The following MKLN1 variants were observed in gnomAD, a reference collection of about 807,000 sequenced individuals.
MKLN1 encodes muskelin 1, also known as muskelin.
A neutral mutation model predicts 99.0 loss-of-function variants in MKLN1; 18 were observed. The observed-to-expected ratio is 0.18, with a 90% CI of 0.13 to 0.27. MKLN1 has a LOEUF of 0.27. Ranked by LOEUF, MKLN1 falls within the 10% of genes least tolerant of loss-of-function variation. The pLI is 1.00. For missense variants in MKLN1, 621 were observed against 875.9 expected (o/e 0.71, Z 3.67); for synonymous variants, 288 against 293.2 (o/e 0.98, Z 0.18).
chr7:131,356,057 C>G (rs1799868462), intron 1 of MKLN1, among the ~76,000 whole-genome samples: 1 of 149,760 alleles, frequency 6.7e-6, no homozygotes, highest in Non-Finnish European at 1.5e-5. Flanking sequence ...CCCAATAGTT[C>G]CCCTATTTTT....
chr7:131,462,532 C>T (rs1796546257), intron 12 of MKLN1, among the ~76,000 whole-genome samples: 2 of 152,156 alleles, frequency 1.3e-5, no homozygotes, highest in Non-Finnish European at 2.9e-5. Flanking sequence ...TCCTTTCCTT[C>T]CTTATGTAAA....
intron 12 of MKLN1, among the ~76,000 whole-genome samples, chr7:131,459,639 G>A (rs987153015): frequency 2.6e-5 from 4 of 151,888 alleles, no homozygotes; most frequent in African/African-American, 9.7e-5. Flanking sequence ...ATAATCTGCT[G>A]TTTCCTTCTT....
At chr7:131,445,183 A>G (rs1228654851) in intron 11 of MKLN1, among the ~76,000 whole-genome samples, 1 of 152,176 alleles carries the variant, frequency 6.6e-6, no homozygotes, top group East Asian at 1.9e-4. Flanking sequence ...TTATATACAG[A>G]TAGGTTTATT....
At chr7:131,392,832 C>T (rs922071338) in intron 4 of MKLN1, among the ~76,000 whole-genome samples, 12 of 151,820 alleles carry the variant, frequency 7.9e-5, no homozygotes, top group Admixed American at 5.2e-4. Flanking sequence ...CTTGAACTCC[C>T]GACCTGAGGC....
In MKLN1 at chr7:131,307,947, T is replaced by C. The variant is rs149614957; in HGVS notation, c.-178-67477T>C. Among the ~76,000 whole-genome samples the C allele has an allele frequency of 8.6e-3, 1,305 of 152,292 alleles. 19 individuals are homozygous for C. Among genetic ancestry groups the C allele is most frequent in the African/African-American group, 0.03 (1,266 of 41,552 alleles). ...GGCAGAATGATATGGTTTGGCCCTG[T>C]GCCCCCACCCAAATCTTTTCTCAAG... On this transcript the variant is annotated intron_variant, in intron 3 of 7. Coordinates refer to the MKLN1 transcript ENST00000416992.
At chr7:131,336,718 T>A (rs574007939) in intron 1 of MKLN1, among the ~76,000 whole-genome samples, 12 of 152,274 alleles carry the variant, frequency 7.9e-5, no homozygotes, top group Non-Finnish European at 1.8e-4. Flanking sequence ...TAGAAAACTT[T>A]AATAGCATTT....
chr7:131,188,442 C>T (rs1170780321), intron 2 of MKLN1, among the ~76,000 whole-genome samples: 2 of 152,206 alleles, frequency 1.3e-5, no homozygotes, highest in Admixed American at 6.5e-5. Flanking sequence ...CTGGTATGTT[C>T]GCTTGGAGCT....
At chr7:131,251,121 G>GTGTGTGTGTGTGTGTGTA (rs143561333) in intron 3 of MKLN1, among the ~76,000 whole-genome samples, 19 of 148,078 alleles carry the variant, frequency 1.3e-4, no homozygotes, top group African/African-American at 4.5e-4. Context: ...GTGTGTGTGT[G>GTGTGTGTGTGTGTGTGTA]TGTGTACCAT....
At chr7:131,119,064 C>A (rs1312668055) in intron 1 of MKLN1, among the ~76,000 whole-genome samples, 1 of 152,210 alleles carries the variant, frequency 6.6e-6, no homozygotes, top group African/African-American at 2.4e-5. Context: ...TCCAATATCT[C>A]ATCTGAGACA....
intron 3 of MKLN1, among the ~76,000 whole-genome samples, chr7:131,302,702 G>A (rs532432383): frequency 3.9e-5 from 6 of 152,268 alleles, no homozygotes; most frequent in South Asian, 2.1e-4. Context: ...GTGCTCAACC[G>A]GGATTAACTT....
At chr7:131,477,715 A>T (rs755806339) in intron 16 of MKLN1, among the ~76,000 whole-genome samples, 1 of 152,226 alleles carries the variant, frequency 6.6e-6, no homozygotes, top group Non-Finnish European at 1.5e-5. Flanking sequence ...ATCAGGGCTT[A>T]CAAATGTTGG....
intron 1 of MKLN1, among the ~76,000 whole-genome samples, chr7:131,135,385 G>A (rs1013717529): frequency 2.6e-5 from 4 of 152,218 alleles, no homozygotes; most frequent in African/African-American, 7.2e-5. Context: ...CTCCCAAAGT[G>A]CTGGGATTAC....
intron 1 of MKLN1, among the ~76,000 whole-genome samples, chr7:131,334,820 G>A (rs577447948): frequency 1.3e-5 from 2 of 152,230 alleles, no homozygotes; most frequent in East Asian, 3.9e-4. Flanking sequence ...TAGAGATACA[G>A]CTATTTATAG....
rs796102760 is a variant in MKLN1 at position 131,173,968 on chromosome 7, C to CTTTTTTTTTTTT, written c.-296-28884_-296-28883insTTTTTTTTTTTT. 7.3e-4 allele frequency among the ~76,000 whole-genome samples: 87 copies of CTTTTTTTTTTTT among 118,642 alleles called. 6 individuals are homozygous for CTTTTTTTTTTTT. The highest frequency in any genetic ancestry group is 2.5e-3 in the African/African-American group (83 of 32,870). The allele number at this position is 118,642 out of a possible 152,430, so 77.8% of individuals were successfully genotyped here. ...TTCTCCAGAGTTTAAAGACCTTTTT[C>CTTTTTTTTTTTT]TTTTTCTTTTTTTTTTTTTTTTGAG... On this transcript the variant is annotated intron_variant, in intron 2 of 7. Coordinates refer to the MKLN1 transcript ENST00000416992.
At chr7:131,263,703 G>C (rs918588041) in intron 3 of MKLN1, among the ~76,000 whole-genome samples, 9 of 151,822 alleles carry the variant, frequency 5.9e-5, no homozygotes, top group Non-Finnish European at 1.3e-4. Context: ...CCAAGTACTG[G>C]GGACTACAGG....
At chr7:131,110,883 G>A (rs1175135945) in intron 1 of MKLN1, among the ~76,000 whole-genome samples, 3 of 152,174 alleles carry the variant, frequency 2.0e-5, no homozygotes, top group Non-Finnish European at 4.4e-5. Context: ...ATGATTCCAA[G>A]AGACATTGCA....
chr7:131,333,286 G>C lies in MKLN1; in HGVS notation c.98+5289G>C, dbSNP rs185706512. Among the ~76,000 whole-genome samples the C allele has an allele frequency of 1.6e-4, 24 of 150,966 alleles. No homozygotes were observed. In the South Asian group the frequency reaches 3.6e-3, roughly 22 times the overall value. ...GATGGGGTCCCACTATGTTGCCCAG[G>C]CTGGTCTCCAGCTCCTGGGCTCAAG... is the stretch of plus-strand genomic sequence containing the variant. On this transcript the variant is annotated intron_variant, in intron 1 of 17. Transcript: ENST00000352689.
intron 3 of MKLN1, among the ~76,000 whole-genome samples, chr7:131,300,561 G>T (rs1798361994): frequency 6.6e-6 from 1 of 150,604 alleles, no homozygotes; most frequent in South Asian, 2.1e-4. Flanking sequence ...GGGCACACCT[G>T]TAATAATCCC....
rs1247420015 is a variant in MKLN1 at position 131,491,488 on chromosome 7, A to G, written c.*3760A>G. On this transcript the variant is annotated 3_prime_UTR_variant, in exon 18 of 18. Coordinates refer to ENST00000352689, the MANE Select transcript of MKLN1 (RefSeq NM_013255.5). ...TTATCCTTATTAGTCAAATAACGCT[A>G]TTCTTTTGTGGTTCTAGACCCTGGC... 1 of 152,104 alleles carries G rather than the reference A, an allele frequency of 6.6e-6. No individual in the cohort carries two copies. Among genetic ancestry groups the G allele is most frequent in the Non-Finnish European group, 1.5e-5 (1 of 67,994 alleles). The allele number at this position is 152,104 out of a possible 1,614,324, so 9.4% of individuals were successfully genotyped here. A position where few individuals can be genotyped will look rare whatever the true frequency, so the allele number is the denominator to read the frequency against.
Sources: allele counts gnomAD v4.1 joint callset (sites outside exome capture counted in the v4.1 genomes callset), GRCh38; gene constraint gnomAD v4.1.1; transcripts MANE v1.5; gene names NCBI Gene and HGNC (gene_info 2026-07-23, HGNC 2026-07-21).